The following PLXNC1 variants were observed in gnomAD, a reference collection of about 807,000 sequenced individuals.
PLXNC1 encodes the protein plexin-C1.
PLXNC1 carries 75 observed loss-of-function variants against 178.2 expected under a neutral mutation model. The ratio of observed to expected loss-of-function variants is 0.42; its 90% CI spans 0.35 to 0.51. PLXNC1 has a LOEUF of 0.51. Ranked by LOEUF, PLXNC1 falls within the 20% of genes least tolerant of loss-of-function variation. The probability of loss-of-function intolerance (pLI) is 0.02; values close to 1 mark genes in which losing one functional copy is unlikely to be tolerated. For synonymous variants in PLXNC1, 790 were observed against 779.9 expected (o/e 1.01, Z -0.22); for missense variants, 1,503 against 1,984.4 (o/e 0.76, Z 4.61).
intron 5 of PLXNC1, among the ~76,000 whole-genome samples, chr12:94,212,029 C>G (rs1364403037): frequency 6.6e-6 from 1 of 151,952 alleles, no homozygotes; most frequent in Non-Finnish European, 1.5e-5. Context: ...AATCCCAGCA[C>G]GTTGGGAGGC....
intron 9 of PLXNC1, among the ~76,000 whole-genome samples, chr12:94,233,974 C>CT (rs1964176912): frequency 6.6e-6 from 1 of 152,030 alleles, no homozygotes; most frequent in Non-Finnish European, 1.5e-5. Context: ...GTTGTGCTAC[C>CT]TTTCATCTAT....
chr12:94,278,799 C>T (rs748072566), intron 21 of PLXNC1, among the ~76,000 whole-genome samples: 2 of 152,116 alleles, frequency 1.3e-5, no homozygotes, highest in Non-Finnish European at 2.9e-5. Flanking sequence ...ACTTTGAGAC[C>T]AGCCTGGCCA....
chr12:94,161,577 AC>A (rs1244026555), intron 1 of PLXNC1, among the ~76,000 whole-genome samples: 2 of 152,248 alleles, frequency 1.3e-5, no homozygotes, highest in Non-Finnish European at 2.9e-5. Flanking sequence ...ATGGGAAAGG[AC>A]AATCCTATTA....
chr12:94,169,007 C>T (rs200931925), intron 1 of PLXNC1, 146 bp from the exon 2 acceptor site: 17 of 704,294 alleles, frequency 2.4e-5, no homozygotes, highest in East Asian at 1.1e-4. Flanking sequence ...AGGTTGCTCC[C>T]GGGGAATCTA....
At chr12:94,187,774 C>T (rs1472042153) in intron 4 of PLXNC1, among the ~76,000 whole-genome samples, 3 of 152,086 alleles carry the variant, frequency 2.0e-5, no homozygotes, top group Admixed American at 2.0e-4. Context: ...TAGCGGCTAA[C>T]GTATTAACAA....
intron 6 of PLXNC1, among the ~76,000 whole-genome samples, chr12:94,221,084 A>C (rs1262395192): frequency 6.6e-6 from 1 of 152,258 alleles, no homozygotes; most frequent in Non-Finnish European, 1.5e-5. Flanking sequence ...GGCTGGCAGC[A>C]CAATCAGATT....
At position 94,206,454 on chromosome 12, in the gene PLXNC1, G is replaced by A. The variant is rs999750041; in HGVS notation, c.1440-3136G>A. Among the ~76,000 whole-genome samples, 62 of 151,042 alleles carry A rather than the reference G, an allele frequency of 4.1e-4. 1 individual carries two copies. The highest frequency in any genetic ancestry group is 7.8e-4 in the Non-Finnish European group (53 of 67,842). ...TCTACATACAGTGTTTTTCACATAA[G>A]GGAAGTCTTTTTAAATTAACTTTTT... On this transcript the variant is annotated intron_variant, in intron 4 of 30. Transcript: ENST00000258526.
chr12:94,174,244 G>C (rs959358316), intron 2 of PLXNC1, among the ~76,000 whole-genome samples: 3 of 151,844 alleles, frequency 2.0e-5, no homozygotes, highest in Non-Finnish European at 4.4e-5. Flanking sequence ...GAGTGCAGTG[G>C]TGCAGTCTCG....
rs1394419513 is a variant in PLXNC1 at position 94,164,146 on chromosome 12, T to C, written c.1063-5007T>C. ...CCTTCAGGGGTTTCCTAATGGCAAG[T>C]GGGCCCCTTGGGAAGTAACAGAAAA... On this transcript the variant is annotated intron_variant, in intron 1 of 30. Transcript: ENST00000258526. 1.7e-4 allele frequency among the ~76,000 whole-genome samples: 26 copies of C among 152,066 alleles called. 1 individual carries two copies. The highest frequency in any genetic ancestry group is 3.7e-4 in the Non-Finnish European group (25 of 68,018).
At position 94,257,908 on chromosome 12, in the gene PLXNC1, C is replaced by CA. The variant is rs562649991; in HGVS notation, c.3088-1421dup. On this transcript the variant is annotated intron_variant, in intron 17 of 30. Coordinates refer to ENST00000258526, the MANE Select transcript of PLXNC1 (RefSeq NM_005761.3). ...TGGGCGACAGAGCGAGACTCTGTCT[C>CA]AAAAAAAATAATAAATAAATAAAAA... Among the ~76,000 whole-genome samples the CA allele has an allele frequency of 6.3e-3, 890 of 142,066 alleles. 19 individuals are homozygous for CA. Among genetic ancestry groups the CA allele is most frequent in the African/African-American group, 0.023 (844 of 36,196 alleles). The allele number at this position is 142,066 out of a possible 152,430, so 93.2% of individuals were successfully genotyped here.
chr12:94,236,572 C>T (rs1174218752), intron 9 of PLXNC1, among the ~76,000 whole-genome samples: 1 of 152,178 alleles, frequency 6.6e-6, no homozygotes, highest in Non-Finnish European at 1.5e-5. Flanking sequence ...CACCAAACGT[C>T]ATGTGATTAA....
At chr12:94,276,201 G>A (rs1010072955) in intron 21 of PLXNC1, among the ~76,000 whole-genome samples, 4 of 152,192 alleles carry the variant, frequency 2.6e-5, no homozygotes, top group Non-Finnish European at 5.9e-5. Flanking sequence ...AGCTGAGATT[G>A]CTGAAGCTCC....
intron 1 of PLXNC1, among the ~76,000 whole-genome samples, chr12:94,163,615 G>A (rs2135932523): frequency 6.6e-6 from 1 of 152,184 alleles, no homozygotes; most frequent in Non-Finnish European, 1.5e-5. Flanking sequence ...GTCGAGGGAG[G>A]GGAGAGGGTA....
intron 4 of PLXNC1, among the ~76,000 whole-genome samples, chr12:94,194,160 A>G (rs984857906): frequency 5.3e-5 from 8 of 152,062 alleles, no homozygotes; most frequent in African/African-American, 1.9e-4. Flanking sequence ...GGTGCCACAC[A>G]CTTTTAAACA....
chr12:94,219,961 A>G, intron 5 of PLXNC1, 55 bp from the exon 6 acceptor site: 1 of 1,569,920 alleles, frequency 6.4e-7, no homozygotes, highest in Non-Finnish European at 8.7e-7. Flanking sequence ...AGGCTCTATG[A>G]TGGATGGAAA....
intron 6 of PLXNC1, among the ~76,000 whole-genome samples, chr12:94,223,770 C>T (rs140923362): frequency 2.0e-4 from 30 of 152,310 alleles, no homozygotes; most frequent in African/African-American, 6.3e-4. Flanking sequence ...CCCATGGAAA[C>T]TACACTTTAG....
intron 9 of PLXNC1, among the ~76,000 whole-genome samples, chr12:94,227,903 AG>A (rs1203707246): frequency 6.6e-6 from 1 of 152,220 alleles, no homozygotes; most frequent in Non-Finnish European, 1.5e-5. Flanking sequence ...AGTCAACAAA[AG>A]TTCATTGAGC....
chr12:94,263,850 G>A (rs912202261), intron 20 of PLXNC1, among the ~76,000 whole-genome samples: 1 of 152,104 alleles, frequency 6.6e-6, no homozygotes, highest in African/African-American at 2.4e-5. Flanking sequence ...GAAGCCCGGG[G>A]ACTGGGGAGG....
intron 3 of PLXNC1, among the ~76,000 whole-genome samples, chr12:94,183,754 C>T (rs1962410462): frequency 6.6e-6 from 1 of 152,188 alleles, no homozygotes; most frequent in Admixed American, 6.5e-5. Context: ...GATGGGTTCC[C>T]ACTTTCTAGA....
Sources: allele counts gnomAD v4.1 joint callset (sites outside exome capture counted in the v4.1 genomes callset), GRCh38; gene constraint gnomAD v4.1.1; transcripts MANE v1.5; gene names NCBI Gene and HGNC (gene_info 2026-07-23, HGNC 2026-07-21).